The following IMMP2L variants were observed in gnomAD, a reference collection of about 807,000 sequenced individuals.
IMMP2L encodes the protein mitochondrial inner membrane protease subunit 2.
A neutral mutation model predicts 19.3 loss-of-function variants in IMMP2L; 18 were observed. The ratio of observed to expected loss-of-function variants is 0.93; its 90% CI spans 0.64 to 1.38. The LOEUF is 1.38. IMMP2L is among the 40% of genes most tolerant of loss of function. IMMP2L has a pLI of 0.00. For synonymous variants in IMMP2L, 76 were observed against 73.0 expected (o/e 1.04, Z -0.21); for missense variants, 233 against 218.2 (o/e 1.07, Z -0.43).
chr7:110,733,909 C>A (rs1316164837), intron 5 of IMMP2L, among the ~76,000 whole-genome samples: 1 of 152,126 alleles, frequency 6.6e-6, no homozygotes, highest in Non-Finnish European at 1.5e-5. Flanking sequence ...GACACTGACT[C>A]TGCCAGCACC....
At chr7:110,775,282 G>GTGTGTGT (rs1799310559) in intron 5 of IMMP2L, among the ~76,000 whole-genome samples, 4 of 55,464 alleles carry the variant, frequency 7.2e-5, no homozygotes, top group Non-Finnish European at 1.8e-4. Context: ...TGTGTGTGTG[G>GTGTGTGT]TTCTGATCTA....
At chr7:111,413,664 G>GAA (rs34853998) in intron 3 of IMMP2L, among the ~76,000 whole-genome samples, 28 of 142,528 alleles carry the variant, frequency 2.0e-4, no homozygotes, top group Admixed American at 4.2e-4. Flanking sequence ...CCTAATTTAA[G>GAA]AAAAAAAAAA....
intron 4 of IMMP2L, among the ~76,000 whole-genome samples, chr7:110,935,753 C>T (rs1816031230): frequency 6.6e-6 from 1 of 152,032 alleles, no homozygotes. Context: ...CAATCCTAAG[C>T]AAAAAGAACA....
intron 3 of IMMP2L, among the ~76,000 whole-genome samples, chr7:111,015,509 A>G (rs1825407837): frequency 6.6e-6 from 1 of 152,158 alleles, no homozygotes; most frequent in South Asian, 2.1e-4. Context: ...ACTTAACACT[A>G]CTAAAAAGTA....
chr7:110,726,835 A>C (rs1263004161), intron 5 of IMMP2L, among the ~76,000 whole-genome samples: 1 of 152,178 alleles, frequency 6.6e-6, no homozygotes, highest in Non-Finnish European at 1.5e-5. Context: ...GGAATCACCA[A>C]TGCCCAAATT....
rs1202104275 is a variant in IMMP2L, at chr7:111,446,311, G to T, written c.239+40927C>A. Among the ~76,000 whole-genome samples the T allele has an allele frequency of 2.7e-5, 4 of 146,890 alleles. No homozygotes were observed. The South Asian group carries it at 8.4e-4, about 31-fold the overall frequency. On this transcript the variant is annotated intron_variant, in intron 3 of 5. Coordinates refer to ENST00000405709, the MANE Select transcript of IMMP2L (RefSeq NM_032549.4). ...TCTGCAGACTTAAATGTCCCTGTCTGACAGCTTTGAAGAGAGCAGTGGTTC... is the reference window on the plus strand; with the variant it reads ...TCTGCAGACTTAAATGTCCCTGTCTTACAGCTTTGAAGAGAGCAGTGGTTC...
chr7:110,792,264 T>C (rs1800510280), intron 5 of IMMP2L, among the ~76,000 whole-genome samples: 1 of 151,514 alleles, frequency 6.6e-6, no homozygotes, highest in African/African-American at 2.4e-5. Flanking sequence ...GGATTATACA[T>C]ACTTACCTCC....
At chr7:110,745,973 C>G (rs568590067) in intron 5 of IMMP2L, among the ~76,000 whole-genome samples, 7 of 152,158 alleles carry the variant, frequency 4.6e-5, no homozygotes, top group Admixed American at 3.3e-4. Flanking sequence ...GATGAAGAGT[C>G]AAGACCCAAT....
chr7:110,893,008 G>A (rs752687713), intron 4 of IMMP2L, among the ~76,000 whole-genome samples: 2 of 151,970 alleles, frequency 1.3e-5, no homozygotes, highest in Non-Finnish European at 2.9e-5. Flanking sequence ...TTTACATACA[G>A]GCATACGTTC....
intron 3 of IMMP2L, among the ~76,000 whole-genome samples, chr7:111,016,206 G>T (rs1048426580): frequency 6.6e-6 from 1 of 150,820 alleles, no homozygotes; most frequent in African/African-American, 2.4e-5. Flanking sequence ...TCTTCACTTT[G>T]CACTAAAAGC....
intron 1 of IMMP2L, among the ~76,000 whole-genome samples, chr7:111,521,679 T>C (rs1207041102): frequency 2.0e-5 from 3 of 152,116 alleles, no homozygotes; most frequent in Non-Finnish European, 4.4e-5. Flanking sequence ...ACTTGCTAAC[T>C]TCAGTGGGAA....
intron 3 of IMMP2L, among the ~76,000 whole-genome samples, chr7:111,250,626 C>G (rs1402800675): frequency 1.3e-5 from 2 of 152,040 alleles, no homozygotes; most frequent in Non-Finnish European, 2.9e-5. Flanking sequence ...TGATTTTTTA[C>G]AAACCTGACA....
intron 3 of IMMP2L, among the ~76,000 whole-genome samples, chr7:111,003,806 C>T (rs1280426729): frequency 6.6e-6 from 1 of 152,100 alleles, no homozygotes; most frequent in African/African-American, 2.4e-5. Flanking sequence ...GACACTCTAC[C>T]TGGCTGATTT....
At chr7:111,447,512 G>T (rs1455060222) in intron 3 of IMMP2L, among the ~76,000 whole-genome samples, 4 of 145,966 alleles carry the variant, frequency 2.7e-5, no homozygotes, top group Non-Finnish European at 4.5e-5. Context: ...AATGCTGAGA[G>T]ATTTTGTCAC....
chr7:110,734,744 CAAA>C (rs577605336), intron 5 of IMMP2L, among the ~76,000 whole-genome samples: 3,172 of 133,670 alleles, frequency 0.024, 53 homozygotes, highest in Middle Eastern at 0.052. Context: ...AACAAACAAA[CAAA>C]AAACCAGCCT....
At chr7:110,742,352 T>C (rs1292093675) in intron 5 of IMMP2L, among the ~76,000 whole-genome samples, 1 of 152,144 alleles carries the variant, frequency 6.6e-6, no homozygotes, top group Non-Finnish European at 1.5e-5. Flanking sequence ...AAAGAAACTA[T>C]GATATCATGA....
intron 3 of IMMP2L, among the ~76,000 whole-genome samples, chr7:111,076,390 A>G (rs879278260): frequency 6.6e-6 from 1 of 152,154 alleles, no homozygotes; most frequent in South Asian, 2.1e-4. Context: ...GGTTGGTAAC[A>G]TTTTTGTGGA....
intron 5 of IMMP2L, among the ~76,000 whole-genome samples, chr7:110,665,325 T>C (rs1473960643): frequency 3.3e-5 from 5 of 152,224 alleles, no homozygotes; most frequent in Non-Finnish European, 7.3e-5. Context: ...AACTGTTTGA[T>C]AGTTGTTGAC....
intron 3 of IMMP2L, among the ~76,000 whole-genome samples, chr7:111,080,875 T>C (rs1017070150): frequency 2.6e-5 from 4 of 152,210 alleles, no homozygotes; most frequent in Admixed American, 1.3e-4. Context: ...AGAAACTTCA[T>C]AGTAAGTTTC....
Sources: gnomAD v4.1 joint callset for allele counts (sites outside exome capture counted in the v4.1 genomes callset) on GRCh38, gnomAD v4.1.1 for gene constraint, MANE v1.5 for transcripts, NCBI Gene and HGNC (gene_info 2026-07-23, HGNC 2026-07-21) for gene names.